The following KCNN2 variants were observed in gnomAD, a reference collection of about 807,000 sequenced individuals.
KCNN2 encodes the protein small conductance calcium-activated potassium channel protein 2.
A neutral mutation model predicts 55.5 loss-of-function variants in KCNN2; 24 were observed. The ratio of observed to expected loss-of-function variants is 0.43; its 90% confidence interval spans 0.31 to 0.61. The LOEUF is 0.61. Ranked by LOEUF, KCNN2 falls within the 20% of genes least tolerant of loss-of-function variation. The pLI is 0.08. For missense variants in KCNN2, 754 were observed against 853.6 expected, an observed-to-expected ratio of 0.88 and a Z score of 1.45; for synonymous variants, 431 against 336.1, an observed-to-expected ratio of 1.28 and a Z score of -3.09.
intron 1 of KCNN2, among the ~76,000 whole-genome samples, chr5:114,108,379 CT>C (rs1214160011): frequency 6.6e-6 from 1 of 152,016 alleles, no homozygotes; most frequent in Non-Finnish European, 1.5e-5. Context: ...TGTCTCTAGT[CT>C]TTTTTTAATT....
chr5:114,375,168 T>G (rs1048595518), intron 2 of KCNN2, among the ~76,000 whole-genome samples: 5 of 152,134 alleles, frequency 3.3e-5, no homozygotes, highest in African/African-American at 1.2e-4. Flanking sequence ...CTGTTTAATT[T>G]TTTACTGTGT....
chr5:114,150,393 T>C (rs550460149), intron 1 of KCNN2, among the ~76,000 whole-genome samples: 2 of 152,274 alleles, frequency 1.3e-5, no homozygotes, highest in African/African-American at 4.8e-5. Context: ...CCAGTAAAAC[T>C]TTCTTCACTT....
chr5:114,196,614 A>G (rs1364242661), intron 1 of KCNN2, among the ~76,000 whole-genome samples: 1 of 151,942 alleles, frequency 6.6e-6, no homozygotes, highest in Non-Finnish European at 1.5e-5. Flanking sequence ...TGTTCATTTC[A>G]TCTAAGTTAT....
At chr5:114,270,847 T>G (rs1755315067) in intron 2 of KCNN2, among the ~76,000 whole-genome samples, 1 of 152,146 alleles carries the variant, frequency 6.6e-6, no homozygotes. Flanking sequence ...AGTTTGTTCT[T>G]TCAGATGTTC....
At chr5:114,122,778 A>C (rs1473582408) in intron 1 of KCNN2, among the ~76,000 whole-genome samples, 1 of 152,238 alleles carries the variant, frequency 6.6e-6, no homozygotes, top group Non-Finnish European at 1.5e-5. Flanking sequence ...AGGGATAGAG[A>C]GAGCAGGAGA....
intron 3 of KCNN2, among the ~76,000 whole-genome samples, chr5:114,457,483 G>C (rs188571037): frequency 6.6e-6 from 1 of 152,096 alleles, no homozygotes; most frequent in African/African-American, 2.4e-5. Flanking sequence ...ATCTGAACCT[G>C]CAATATCCCC....
intron 2 of KCNN2, among the ~76,000 whole-genome samples, chr5:114,375,797 C>A (rs191366881): frequency 6.6e-6 from 1 of 151,688 alleles, no homozygotes; most frequent in Admixed American, 6.6e-5. Flanking sequence ...ATGGGTGATA[C>A]AAAGAGAAAT....
At chr5:114,207,427 G>A (rs915329843) in intron 1 of KCNN2, among the ~76,000 whole-genome samples, 1 of 152,160 alleles carries the variant, frequency 6.6e-6, no homozygotes, top group Admixed American at 6.5e-5. Context: ...TCGCACACAT[G>A]TATTTTCTTT....
chr5:114,198,153 C>A (rs1753596520), intron 1 of KCNN2, among the ~76,000 whole-genome samples: 1 of 151,596 alleles, frequency 6.6e-6, no homozygotes, highest in African/African-American at 2.4e-5. Flanking sequence ...ATTTGTTAGT[C>A]CGTTAACACA....
chr5:114,284,147 C>A (rs1755685016), intron 2 of KCNN2, among the ~76,000 whole-genome samples: 1 of 152,154 alleles, frequency 6.6e-6, no homozygotes, highest in African/African-American at 2.4e-5. Context: ...AACAGGAGGG[C>A]TCTAGTTCAT....
intron 2 of KCNN2, among the ~76,000 whole-genome samples, chr5:114,302,377 A>G (rs1756183756): frequency 6.6e-6 from 1 of 152,184 alleles, no homozygotes; most frequent in African/African-American, 2.4e-5. Flanking sequence ...TATTCAAGGT[A>G]TTGTATTAGA....
At chr5:114,068,018 G>A (rs1007819406) in intron 1 of KCNN2, among the ~76,000 whole-genome samples, 29 of 152,108 alleles carry the variant, frequency 1.9e-4, no homozygotes, top group Non-Finnish European at 4.1e-4. Context: ...TTTCCAGGAG[G>A]GAGGCTTTTA....
chr5:114,354,214 A>T lies in KCNN2; in HGVS notation c.-184-6731A>T, dbSNP rs369702681. Among the ~76,000 whole-genome samples, 3 of 151,976 alleles carry T rather than the reference A, an allele frequency of 2.0e-5. No individual in the cohort carries two copies. In the East Asian group the frequency reaches 5.8e-4, roughly 29 times the overall value. On this transcript the variant is annotated intron_variant, in intron 2 of 10. Coordinates refer to the KCNN2 transcript ENST00000512097. ...TCAAATTTATCATTGAATTTTTCAT[A>T]TGGTTACTCTACTTTTCAACTCCAA... is the stretch of plus-strand genomic sequence containing the variant.
chr5:114,439,523 T>C (rs1760133200), intron 3 of KCNN2, among the ~76,000 whole-genome samples: 1 of 152,066 alleles, frequency 6.6e-6, no homozygotes, highest in African/African-American at 2.4e-5. Context: ...GCCATAAAAA[T>C]ATATATGCCA....
intron 3 of KCNN2, among the ~76,000 whole-genome samples, chr5:114,436,540 C>G (rs1032659370): frequency 2.0e-5 from 3 of 152,110 alleles, no homozygotes; most frequent in Non-Finnish European, 4.4e-5. Flanking sequence ...TGACTTTGGC[C>G]TTGCTATTTA....
chr5:114,379,970 A>G (rs563424593), intron 2 of KCNN2, among the ~76,000 whole-genome samples: 2 of 150,680 alleles, frequency 1.3e-5, no homozygotes, highest in Non-Finnish European at 3.0e-5. Context: ...AGTATAGAAA[A>G]TTAATGTGTT....
At chr5:114,317,653 T>A (rs1467499172) in intron 2 of KCNN2, among the ~76,000 whole-genome samples, 1 of 152,166 alleles carries the variant, frequency 6.6e-6, no homozygotes, top group Non-Finnish European at 1.5e-5. Flanking sequence ...GTCCTGCACC[T>A]CCATGAGTTA....
intron 7 of KCNN2, among the ~76,000 whole-genome samples, chr5:114,494,344 C>T (rs1157367433): frequency 6.6e-6 from 1 of 150,602 alleles, no homozygotes; most frequent in Non-Finnish European, 1.5e-5. Context: ...GTCCTAGTCT[C>T]ATTAAATAAT....
Position 114,312,424 on chromosome 5 carries a change from CACACACACACATATATAT to C in KCNN2, c.-184-48519_-184-48502del, listed in dbSNP as rs1234064223. 6.5e-3 allele frequency among the ~76,000 whole-genome samples: 391 copies of C among 59,740 alleles called. 2 individuals carry two copies. The highest frequency in any genetic ancestry group is 0.012 in the Middle Eastern group (1 of 86). The allele number at this position is 59,740 out of a possible 152,430, so 39.2% of individuals were successfully genotyped here. A position where few individuals can be genotyped will look rare whatever the true frequency, so the allele number is the denominator to read the frequency against. ...ACACACACACACACACACACACACA[CACACACACACATATATAT>C]ATATATATATATATATATATATATA... On this transcript the variant is annotated intron_variant, in intron 2 of 10. Transcript: ENST00000512097.
Sources: gnomAD v4.1 joint callset for allele counts (sites outside exome capture counted in the v4.1 genomes callset) on GRCh38, gnomAD v4.1.1 for gene constraint, MANE v1.5 for transcripts, NCBI Gene and HGNC (gene_info 2026-07-23, HGNC 2026-07-21) for gene names.